The following SPPL2B variants were observed in gnomAD, a reference collection of about 807,000 sequenced individuals.
The protein encoded by SPPL2B is signal peptide peptidase-like 2B.
In SPPL2B, 39 loss-of-function variants were observed where a neutral mutation model predicts 59.7. That is an observed-to-expected ratio of 0.65 (90% confidence interval 0.51 to 0.85). The LOEUF (loss-of-function observed/expected upper bound fraction) is 0.85, where lower values mean the gene tolerates loss of function less well. SPPL2B is among the 40% of genes least tolerant of loss of function. SPPL2B has a pLI of 0.00. For missense variants in SPPL2B, 865 were observed against 849.0 expected (o/e 1.02, Z -0.23); for synonymous variants, 419 against 370.8 (o/e 1.13, Z -1.49).
intron 1 of SPPL2B, among the ~76,000 whole-genome samples, chr19:2,331,486 G>T (rs1406401838): frequency 6.6e-6 from 1 of 152,112 alleles, no homozygotes; most frequent in Admixed American, 6.6e-5. Context: ...TGGAAGAATT[G>T]TTCCCCGTTC....
intron 14 of SPPL2B, among the ~76,000 whole-genome samples, chr19:2,352,664 G>A (rs1445235162): frequency 6.6e-6 from 1 of 152,062 alleles, no homozygotes; most frequent in Non-Finnish European, 1.5e-5. Context: ...CAGGCCCAGG[G>A]GCGAGAGACG....
chr19:2,346,048 C>T (rs1599237997), intron 13 of SPPL2B, among the ~76,000 whole-genome samples: 1 of 152,182 alleles, frequency 6.6e-6, no homozygotes, highest in Non-Finnish European at 1.5e-5. Context: ...TTTGCCTTGT[C>T]TTCTACTGTT....
Position 2,332,912 on chromosome 19 carries a change from A to G in SPPL2B, c.67-1690A>G, listed in dbSNP as rs1968357862. Among the ~76,000 whole-genome samples the G allele has an allele frequency of 6.6e-6, 1 of 151,742 alleles. No homozygotes were observed. ...GGGTGGGGGCCCTGGGCAGGGGAGC[A>G]GAAGGAAGGTGGGGATGGCAGGTGC... On this transcript the variant is annotated intron_variant, in intron 1 of 14. Coordinates refer to ENST00000613503, the MANE Select transcript of SPPL2B (RefSeq NM_152988.3). This position sits in a 1 kb window ranked among gnomAD's most constrained non-coding sequence, Gnocchi z 4.6.
In SPPL2B at chr19:2,337,503, G is replaced by A. The variant is rs749678289; in HGVS notation, c.247G>A (p.Ala83Thr). 5.0e-6 allele frequency: 8 copies of A among 1,613,250 alleles called. No homozygotes were observed. The Admixed American group carries it at 6.7e-5, about 13-fold the overall frequency. The change falls in exon 3 of 15, where the codon GCC (alanine) becomes ACC (threonine). Residue 83 changes from alanine (A) to threonine (T), a missense_variant. Physicochemically the swap from Ala to Thr is moderately conservative, Grantham distance 58 (BLOSUM62 0). Coordinates refer to ENST00000613503, the MANE Select transcript of SPPL2B (RefSeq NM_152988.3). ...GCTCTGCTCCGCAGCCGACCTCCCCGCCCGTGGCTTCAGCAACCAGATCCC... is the reference window on the plus strand; with the variant it reads ...GCTCTGCTCCGCAGCCGACCTCCCCACCCGTGGCTTCAGCAACCAGATCCC... ...SLLCSAADLP[A>T]RGFSNQIPLV... is the part of the protein sequence containing the mutation.
In SPPL2B at chr19:2,334,583, T is replaced by G. The variant is rs780932984; in HGVS notation, c.67-19T>G. On this transcript the variant is annotated intron_variant, in intron 1 of 14. Coordinates refer to ENST00000613503, the MANE Select transcript of SPPL2B (RefSeq NM_152988.3). The stretch of plus-strand genomic sequence containing the variant: ...GCACGTCCCGTGCTGTGGCTCTGAC[T>G]GCTGGCCTTGTCCTGCAGGTGGCCT... 1.5e-5 allele frequency: 24 copies of G among 1,603,094 alleles called. No individual in the cohort carries two copies. The highest frequency in any genetic ancestry group is 1.8e-5 in the Non-Finnish European group (21 of 1,175,480).
chr19:2,344,050 G>T lies in SPPL2B; in HGVS notation c.1113+11G>T, dbSNP rs750739210. 25 of 1,540,704 alleles carry T rather than the reference G, an allele frequency of 1.6e-5. No homozygotes were observed. The highest frequency in any genetic ancestry group is 2.2e-5 in the Non-Finnish European group (25 of 1,141,090). On this transcript the variant is annotated intron_variant, in intron 10 of 14. Coordinates refer to ENST00000613503, the MANE Select transcript of SPPL2B (RefSeq NM_152988.3). ...CCCTTCCTGACCAAGGTAGGCGACTGCCTGTCCCTGCTCCACCCCATCACC... is the reference window on the plus strand; with the variant it reads ...CCCTTCCTGACCAAGGTAGGCGACTTCCTGTCCCTGCTCCACCCCATCACC...
rs773473450 is a variant in SPPL2B, at chr19:2,338,869, C to T, written c.459+28C>T. 6.9e-6 allele frequency: 11 copies of T among 1,603,086 alleles called. No homozygotes were observed. The South Asian group carries it at 1.2e-4, about 18-fold the overall frequency. On this transcript the variant is annotated intron_variant, in intron 4 of 14. Coordinates refer to ENST00000613503, the MANE Select transcript of SPPL2B (RefSeq NM_152988.3). Reference sequence around the variant, plus strand: ...AGGTCTGCGCCGGCTCAGACCCACGCTCCCGAGGAGATGGGGCAGGGGGCT... The same window carrying T: ...AGGTCTGCGCCGGCTCAGACCCACGTTCCCGAGGAGATGGGGCAGGGGGCT...
intron 1 of SPPL2B, among the ~76,000 whole-genome samples, chr19:2,331,466 C>G (rs1968289524): frequency 6.6e-6 from 1 of 152,172 alleles, no homozygotes; most frequent in African/African-American, 2.4e-5. Context: ...CCTCTTAGAG[C>G]TGTGGCCTTT....
chr19:2,345,188 C>T (rs1969295203), intron 12 of SPPL2B, 65 bp from the exon 13 acceptor site: 1 of 1,457,906 alleles, frequency 6.9e-7, no homozygotes, highest in Non-Finnish European at 9.5e-7. Context: ...CCCGCCCGCT[C>T]CCAGGAAGCC....
intron 13 of SPPL2B, among the ~76,000 whole-genome samples, chr19:2,348,303 ACACT>A: frequency 3.7e-5 from 4 of 109,340 alleles, no homozygotes; most frequent in Non-Finnish European, 7.3e-5. Context: ...CTCCACACAC[ACACT>A]CGCGCTCTCA....
chr19:2,340,081 G>C lies in SPPL2B; in HGVS notation c.748G>C (p.Val250Leu), dbSNP rs375594733. Reference protein sequence around the residue: ...LYYFYDLLVYVVIGIFCLASA... With the variant: ...LYYFYDLLVYLVIGIFCLASA... ...TCACGGCCCTGCCCCTGCAGTGTAC[G>C]TGGTCATCGGGATCTTCTGCCTGGC... The change falls in exon 7 of 15, where the codon GTG (valine) becomes CTG (leucine). Residue 250 changes from valine to leucine, a missense_variant. By Grantham distance (32) the Val-to-Leu change is conservative (BLOSUM62 1). Transcript: ENST00000613503. 1 of 1,593,806 alleles carries C rather than the reference G, an allele frequency of 6.3e-7. No individual in the cohort carries two copies. The highest frequency in any genetic ancestry group is 8.5e-7 in the Non-Finnish European group (1 of 1,174,708).
At chr19:2,348,553 C>T (rs1330651077) in intron 13 of SPPL2B, among the ~76,000 whole-genome samples, 4 of 149,906 alleles carry the variant, frequency 2.7e-5, no homozygotes, top group Non-Finnish European at 4.4e-5. Context: ...CGTTCTCATT[C>T]GCGTGATTCC....
At chr19:2,335,484 C>A (rs1299294633) in intron 2 of SPPL2B, among the ~76,000 whole-genome samples, 1 of 149,692 alleles carries the variant, frequency 6.7e-6, no homozygotes, top group Non-Finnish European at 1.5e-5. Flanking sequence ...CTTCAGGCCC[C>A]GCCTCCTTTC....
intron 4 of SPPL2B, 48 bp from the exon 5 acceptor site, chr19:2,339,021 G>GCTGGCGGGTGGCT: frequency 6.5e-7 from 1 of 1,533,282 alleles, no homozygotes; most frequent in South Asian, 1.2e-5. Flanking sequence ...TCGACCCATG[G>GCTGGCGGGTGGCT]CTGGCGGGTG....
In SPPL2B at chr19:2,343,241, C is replaced by A. The variant is rs1206070789; in HGVS notation, c.987C>A (p.Gly329=). 5 of 1,556,124 alleles carry A rather than the reference C, an allele frequency of 3.2e-6. No homozygotes were observed. The Admixed American group carries it at 7.7e-5, about 24-fold the overall frequency. ...QWAWVLQDAL[G]IAFCLYMLKT... ...CCTGGGTCCTCCAGGATGCCCTGGG[C>A]ATCGCCTTCTGCCTCTACATGCTGA... is the stretch of plus-strand genomic sequence containing the variant. The change falls in exon 9 of 15, where the codon GGC becomes GGA. Residue 329 remains glycine (G), a synonymous_variant. Coordinates refer to ENST00000613503, the MANE Select transcript of SPPL2B (RefSeq NM_152988.3).
chr19:2,343,705 C>T (rs1969189622), intron 9 of SPPL2B, among the ~76,000 whole-genome samples: 1 of 152,178 alleles, frequency 6.6e-6, no homozygotes, highest in South Asian at 2.1e-4. Flanking sequence ...CCAGAGCCGG[C>T]CCTGCGTGGC....
Position 2,340,139 on chromosome 19 carries a change from C to T in SPPL2B, c.806C>T (p.Pro269Leu). 6.3e-7 allele frequency: 1 copy of T among 1,588,096 alleles called. No homozygotes were observed. Among genetic ancestry groups the T allele is most frequent in the Non-Finnish European group, 8.5e-7 (1 of 1,173,406 alleles). ...SATGLYSCLA[P>L]CVRRLPFGKC... ...ACCGGCCTCTACAGCTGCCTGGCGC[C>T]CTGTGTGCGGCGGCTGCCCTTCGGC... Residue 269 changes from proline (P) to leucine (L), a missense_variant, in exon 7 of 15, where the codon CCC (proline) becomes CTC (leucine). Physicochemically the swap from Pro to Leu is moderately conservative, Grantham distance 98. Transcript: ENST00000613503.
At chr19:2,337,256 C>T (rs906387201) in intron 2 of SPPL2B, 187 bp from the exon 3 acceptor site, 35 of 525,290 alleles carry the variant, frequency 6.7e-5, no homozygotes, top group African/African-American at 4.1e-4. Context: ...CAGCCCAGCC[C>T]GTCGCCCAGG....
rs1388734195 is a variant in SPPL2B at position 2,351,447 on chromosome 19, C to T, written c.1368C>T (p.Gly456=). 1.2e-6 allele frequency: 2 copies of T among 1,606,476 alleles called. No individual in the cohort carries two copies. Among genetic ancestry groups the T allele is most frequent in the South Asian group, 1.1e-5 (1 of 90,718 alleles). Residue 456 remains glycine, a synonymous_variant, in exon 14 of 15, where the codon GGC becomes GGT. Transcript: ENST00000613503. ...CTGTCCCCACAGCCTATGGCGTTGGCCTCCTTGTGACATTCGTGGCACTGG... is the reference window on the plus strand; with the variant it reads ...CTGTCCCCACAGCCTATGGCGTTGGTCTCCTTGTGACATTCGTGGCACTGG... ...FVACTIAYGV[G]LLVTFVALAL...
Sources: gnomAD v4.1 joint callset for allele counts (sites outside exome capture counted in the v4.1 genomes callset) on GRCh38, gnomAD v4.1.1 for gene constraint, Gnocchi (gnomAD v3.1) non-coding constraint, MANE v1.5 for transcripts, NCBI Gene and HGNC (gene_info 2026-07-23, HGNC 2026-07-21) for gene names.